KIAA0825: variants seen among roughly 807,000 people sequenced by gnomAD.
The protein encoded by KIAA0825 is uncharacterized protein KIAA0825.
Under a neutral mutation model 147.6 loss-of-function variants are expected in KIAA0825, and 119 were observed. The ratio of observed to expected loss-of-function variants is 0.81; its 90% CI spans 0.69 to 0.94. The LOEUF is 0.94. KIAA0825 is among the 40% of genes least tolerant of loss of function. The pLI is 0.00. For synonymous variants in KIAA0825, 470 were observed against 518.1 expected (o/e 0.91, Z 1.26); for missense variants, 1,381 against 1,472.7 (o/e 0.94, Z 1.02).
At chr5:94,181,066 C>T (rs968798956) in intron 20 of KIAA0825, among the ~76,000 whole-genome samples, 30 of 152,118 alleles carry the variant, frequency 2.0e-4, no homozygotes, top group African/African-American at 7.0e-4. Context: ...GGTTATTTTA[C>T]TGGGTAATTT....
intron 20 of KIAA0825, among the ~76,000 whole-genome samples, chr5:94,345,537 C>T (rs531077813): frequency 1.3e-5 from 2 of 152,014 alleles, no homozygotes; most frequent in Non-Finnish European, 2.9e-5. Flanking sequence ...TTCTTTGAAA[C>T]TATTTTCTCA....
intron 20 of KIAA0825, among the ~76,000 whole-genome samples, chr5:94,241,659 C>T (rs930498505): frequency 6.6e-6 from 1 of 151,932 alleles, no homozygotes; most frequent in South Asian, 2.1e-4. Flanking sequence ...AATAAAATAC[C>T]CTTCCTACAT....
intron 20 of KIAA0825, among the ~76,000 whole-genome samples, chr5:94,325,815 T>C (rs976844818): frequency 2.0e-5 from 3 of 152,010 alleles, no homozygotes; most frequent in African/African-American, 7.2e-5. Context: ...GTATTTCAAG[T>C]ACTTAAAATT....
intron 14 of KIAA0825, among the ~76,000 whole-genome samples, chr5:94,425,928 G>A (rs938858883): frequency 6.6e-6 from 1 of 151,860 alleles, no homozygotes; most frequent in African/African-American, 2.4e-5. Flanking sequence ...ACTCCCTAAA[G>A]CTTTGACCTG....
intron 20 of KIAA0825, among the ~76,000 whole-genome samples, chr5:94,376,980 T>A (rs545925741): frequency 6.6e-6 from 1 of 152,268 alleles, no homozygotes; most frequent in African/African-American, 2.4e-5. Context: ...CATTTGAGAG[T>A]GCAGTGTGTA....
chr5:94,616,922 T>C (rs1162629626), intron 1 of KIAA0825, among the ~76,000 whole-genome samples: 8 of 152,186 alleles, frequency 5.3e-5, no homozygotes, highest in African/African-American at 1.4e-4. Flanking sequence ...TATAAAGGTA[T>C]AGAGCACAGT....
chr5:94,328,238 C>A (rs29950), intron 20 of KIAA0825, among the ~76,000 whole-genome samples: 58,979 of 151,796 alleles, frequency 0.39, 11,828 homozygotes, highest in African/African-American at 0.47. Flanking sequence ...ATCATATATA[C>A]AGAACATAAA....
At chr5:94,561,720 C>T (rs1280102086) in intron 2 of KIAA0825, among the ~76,000 whole-genome samples, 1 of 152,120 alleles carries the variant, frequency 6.6e-6, no homozygotes, top group Non-Finnish European at 1.5e-5. Flanking sequence ...CATATAGTTC[C>T]TCATATTTAA....
chr5:94,447,350 C>A (rs1757860088), intron 13 of KIAA0825, among the ~76,000 whole-genome samples: 1 of 151,902 alleles, frequency 6.6e-6, no homozygotes, highest in South Asian at 2.1e-4. Flanking sequence ...TATTTAATTG[C>A]CAGGTTAAAG....
At chr5:94,556,139 G>C (rs893106052) in intron 2 of KIAA0825, among the ~76,000 whole-genome samples, 4 of 151,264 alleles carry the variant, frequency 2.6e-5, no homozygotes, top group Non-Finnish European at 2.9e-5. Context: ...TGTAACCTCC[G>C]CCTCCTGGAT....
intron 20 of KIAA0825, among the ~76,000 whole-genome samples, chr5:94,177,472 G>A (rs745971640): frequency 6.6e-6 from 1 of 151,946 alleles, no homozygotes; most frequent in Non-Finnish European, 1.5e-5. Context: ...TCTAAAAATT[G>A]AAATGAGGAA....
intron 5 of KIAA0825, among the ~76,000 whole-genome samples, chr5:94,508,734 C>T (rs1041906765): frequency 1.4e-4 from 21 of 152,260 alleles, no homozygotes; most frequent in African/African-American, 5.1e-4. Context: ...ATGGATTGCA[C>T]TTATTGCCAC....
chr5:94,234,870 T>C (rs531219698), intron 20 of KIAA0825, among the ~76,000 whole-genome samples: 1 of 152,238 alleles, frequency 6.6e-6, no homozygotes, highest in Admixed American at 6.5e-5. Context: ...CCAAACTATA[T>C]CAATGTCACT....
At chr5:94,265,736 G>A (rs1365099443) in intron 20 of KIAA0825, among the ~76,000 whole-genome samples, 1 of 152,196 alleles carries the variant, frequency 6.6e-6, no homozygotes, top group Admixed American at 6.5e-5. Context: ...GGGAGGCGGA[G>A]GTTGCAGTGA....
chr5:94,196,801 A>AT (rs958283861), intron 20 of KIAA0825, among the ~76,000 whole-genome samples: 5 of 151,984 alleles, frequency 3.3e-5, no homozygotes, highest in Admixed American at 2.0e-4. Flanking sequence ...ACATTATTTC[A>AT]TTTTTTTTAC....
intron 20 of KIAA0825, among the ~76,000 whole-genome samples, chr5:94,205,030 C>G (rs2150031120): frequency 6.6e-6 from 1 of 151,888 alleles, no homozygotes; most frequent in South Asian, 2.1e-4. Flanking sequence ...CTTGAAAATT[C>G]CTCTAAATGT....
chr5:94,613,801 A>G (rs548692381), intron 1 of KIAA0825, among the ~76,000 whole-genome samples: 218 of 152,372 alleles, frequency 1.4e-3, no homozygotes, highest in African/African-American at 4.9e-3. Flanking sequence ...ACAAGGTGCT[A>G]TAAGGGCTAG....
intron 16 of KIAA0825, among the ~76,000 whole-genome samples, chr5:94,399,672 C>T (rs308205): frequency 0.48 from 72,685 of 151,726 alleles, 17,778 homozygotes; most frequent in African/African-American, 0.54. Flanking sequence ...ATATATGTAA[C>T]ATATTGTGTC....
At chr5:94,177,085 A>G (rs1163908524) in intron 20 of KIAA0825, among the ~76,000 whole-genome samples, 1 of 152,130 alleles carries the variant, frequency 6.6e-6, no homozygotes, top group East Asian at 1.9e-4. Flanking sequence ...TAATCAAGAA[A>G]ATGCTTTATG....
Sources: allele counts gnomAD v4.1 joint callset (sites outside exome capture counted in the v4.1 genomes callset), GRCh38; gene constraint gnomAD v4.1.1; transcripts MANE v1.5; gene names NCBI Gene and HGNC (gene_info 2026-07-23, HGNC 2026-07-21).